The following PAQR9 variants were observed in gnomAD, a reference collection of about 807,000 sequenced individuals.
PAQR9 encodes membrane progestin receptor epsilon.
Under a neutral mutation model 24.0 loss-of-function variants are expected in PAQR9, and 12 were observed. That is an observed-to-expected ratio of 0.50 (90% CI 0.32 to 0.81). The LOEUF (loss-of-function observed/expected upper bound fraction) is 0.81. Ranked by LOEUF, PAQR9 falls within the 30% of genes least tolerant of loss-of-function variation. The probability of loss-of-function intolerance (pLI) is 0.03; values close to 1 mark genes in which losing one functional copy is unlikely to be tolerated. For missense variants in PAQR9, 418 were observed against 520.8 expected (o/e 0.80, Z 1.92); for synonymous variants, 266 against 237.6 (o/e 1.12, Z -1.10).
At chr3:142,950,016 G>A (rs1317515827), downstream of PAQR9, 1 of 152,214 alleles carries the variant, frequency 6.6e-6, no homozygotes, top group Non-Finnish European at 1.5e-5. Context: ...CATTCTTCAT[G>A]TCACAATGTT....
At chr3:142,953,438 A>G (rs1294271354), downstream of PAQR9, among the ~76,000 whole-genome samples, 1 of 152,182 alleles carries the variant, frequency 6.6e-6, no homozygotes, top group Non-Finnish European at 1.5e-5. Context: ...AGTGTGTGCT[A>G]GCCAGCTAGG....
At chr3:142,949,592 G>A (rs992626976), downstream of PAQR9, 3 of 152,280 alleles carry the variant, frequency 2.0e-5, no homozygotes, top group South Asian at 2.1e-4. Flanking sequence ...TTTATAAATT[G>A]CAAAGTTAAT....
Position 142,959,848 on chromosome 3 carries a change from C to T in PAQR9, c.*2355G>A, listed in dbSNP as rs1294538868. On this transcript the variant is annotated 3_prime_UTR_variant, in exon 1 of 1. Transcript: ENST00000340634. ...GAAAGTTCCTTCTGAAATTGAGGTC[C>T]CATTTTACAAAGAAACTACATAATA... Among the ~76,000 whole-genome samples, 1 of 152,182 alleles carries T rather than the reference C, an allele frequency of 6.6e-6. No individual in the cohort carries two copies. The highest frequency in any genetic ancestry group is 1.5e-5 in the Non-Finnish European group (1 of 68,028).
At chr3:142,953,004 G>C (rs1156734205), downstream of PAQR9, among the ~76,000 whole-genome samples, 2 of 152,192 alleles carry the variant, frequency 1.3e-5, no homozygotes, top group Non-Finnish European at 2.9e-5. Context: ...AGCCCTCTTA[G>C]GAGTGGCCCT....
downstream of PAQR9, among the ~76,000 whole-genome samples, chr3:142,952,270 G>T (rs566586710): frequency 6.6e-6 from 1 of 152,252 alleles, no homozygotes; most frequent in South Asian, 2.1e-4. Context: ...GGTGGGAGTG[G>T]TAGGGTCAGA....
chr3:142,962,404 G>T lies in PAQR9; in HGVS notation c.933C>A (p.His311Gln). 2.5e-6 allele frequency: 4 copies of T among 1,614,178 alleles called. No individual in the cohort carries two copies. Among genetic ancestry groups the T allele is most frequent in the Non-Finnish European group, 3.4e-6 (4 of 1,180,034 alleles). Residue 311 changes from histidine to glutamine, a missense_variant, in exon 1 of 1, where the codon CAC (histidine) becomes CAA (glutamine). His to Gln is a conservative substitution (Grantham distance 24, BLOSUM62 0). Coordinates refer to ENST00000340634, the MANE Select transcript of PAQR9 (RefSeq NM_198504.4). The part of the protein sequence containing the change: ...PGLFDIIGHS[H>Q]QLFHIFTFLS... ...GGAAGGTGAAGATGTGGAAGAGCTGGTGGCTGTGGCCGATAATGTCGAAAA... is the reference window on the plus strand; with the variant it reads ...GGAAGGTGAAGATGTGGAAGAGCTGTTGGCTGTGGCCGATAATGTCGAAAA...
Position 142,954,615 on chromosome 3 carries a change from T to C in PAQR9, c.*7588A>G, listed in dbSNP as rs746379751. On this transcript the variant is annotated 3_prime_UTR_variant, in exon 1 of 1. Coordinates refer to ENST00000340634, the MANE Select transcript of PAQR9 (RefSeq NM_198504.4). Reference sequence around the variant, plus strand: ...TTACAAATAATTTATTCTTATTTCATACATTTGTTTTTCAGCAAAAATGCA... The same window carrying C: ...TTACAAATAATTTATTCTTATTTCACACATTTGTTTTTCAGCAAAAATGCA... Among the ~76,000 whole-genome samples, 9 of 152,252 alleles carry C rather than the reference T, an allele frequency of 5.9e-5. No homozygotes were observed. The highest frequency in any genetic ancestry group is 1.3e-4 in the Admixed American group (2 of 15,290).
Position 142,962,628 on chromosome 3 carries a change from T to C in PAQR9, c.709A>G (p.Thr237Ala). The C allele has an allele frequency of 6.2e-7, 1 of 1,612,372 alleles. No individual in the cohort carries two copies. Among genetic ancestry groups the C allele is most frequent in the African/African-American group, 1.3e-5 (1 of 75,026 alleles). The change falls in exon 1 of 1, where the codon ACC becomes GCC. Residue 237 changes from threonine (T) to alanine (A), a missense_variant. Thr to Ala is a moderately conservative substitution (Grantham distance 58). Coordinates refer to ENST00000340634, the MANE Select transcript of PAQR9 (RefSeq NM_198504.4). ...ACCKSRTDWCTYPFALRTFVF... is the reference protein window; with the variant it reads ...ACCKSRTDWCAYPFALRTFVF... ...AAGGTGCGCAGCGCGAACGGGTAGG[T>C]ACACCAGTCGGTACGGCTCTTGCAG...
In PAQR9 at chr3:142,956,318, T is replaced by C. The variant is rs1471029389; in HGVS notation, c.*5885A>G. Reference sequence around the variant, plus strand: ...CAAATGACCACCTGAAGACCCCCCATTCTGCCTTGAGTGCTTATTGCGTAT... The same window carrying C: ...CAAATGACCACCTGAAGACCCCCCACTCTGCCTTGAGTGCTTATTGCGTAT... On this transcript the variant is annotated 3_prime_UTR_variant, in exon 1 of 1. Coordinates refer to ENST00000340634, the MANE Select transcript of PAQR9 (RefSeq NM_198504.4). Among the ~76,000 whole-genome samples the C allele has an allele frequency of 6.6e-6, 1 of 152,170 alleles. No individual in the cohort carries two copies. The highest frequency in any genetic ancestry group is 2.4e-5 in the African/African-American group (1 of 41,452).
rs141231780 is a variant in PAQR9, at chr3:142,962,944, C to G, written c.393G>C (p.Leu131=). ...PLWCYASGVL[L]TFAMSCTAHV... is the part of the protein sequence containing the mutation. ...GCGCCGTGCAGCTCATGGCGAAGGT[C>G]AGCAGCACTCCCGACGCGTAGCACC... Residue 131 remains leucine (L), a synonymous_variant, in exon 1 of 1, where the codon CTG becomes CTC. Transcript: ENST00000340634. The G allele has an allele frequency of 1.8e-4, 293 of 1,613,932 alleles. No individual in the cohort carries two copies. Among genetic ancestry groups the G allele is most frequent in the Non-Finnish European group, 4.8e-5 (57 of 1,180,022 alleles).
downstream of PAQR9, among the ~76,000 whole-genome samples, chr3:142,953,246 G>C (rs2108238314): frequency 6.6e-6 from 1 of 152,208 alleles, no homozygotes; most frequent in African/African-American, 2.4e-5. Context: ...GTCTTATTTA[G>C]TCACATCCTG....
rs1427821656 is a variant in PAQR9, at chr3:142,956,719, T to TAA, written c.*5483_*5484insTT. Among the ~76,000 whole-genome samples the TAA allele has an allele frequency of 2.6e-5, 4 of 152,192 alleles. No homozygotes were observed. Among genetic ancestry groups the TAA allele is most frequent in the Non-Finnish European group, 5.9e-5 (4 of 68,038 alleles). The stretch of plus-strand genomic sequence containing the variant: ...TCTAATTCTGCAACTTGCTCACAGA[T>TAA]TCTTAAGGAGCCACTCTAGAACAAA... On this transcript the variant is annotated 3_prime_UTR_variant, in exon 1 of 1. Coordinates refer to ENST00000340634, the MANE Select transcript of PAQR9 (RefSeq NM_198504.4).
chr3:142,963,275 G>GC lies in PAQR9; in HGVS notation c.61dup (p.Ala21GlyfsTer356). Reference sequence around the variant, plus strand: ...GGAGTTCCGGGCGGCCCCCGAAGCTGCCGGGGCCGGGGCCGGAGGGCCTTT... The same window carrying GC: ...GGAGTTCCGGGCGGCCCCCGAAGCTGCCCGGGGCCGGGGCCGGAGGGCCTTT... On this transcript the variant is annotated frameshift_variant, in exon 1 of 1. Transcript: ENST00000340634. LOFTEE classifies it high-confidence loss of function. The GC allele has an allele frequency of 6.7e-7, 1 of 1,483,696 alleles. No homozygotes were observed. Among genetic ancestry groups the GC allele is most frequent in the Non-Finnish European group, 8.9e-7 (1 of 1,120,476 alleles). 91.9% of individuals were successfully genotyped at this position (1,483,696 alleles called of 1,614,324 possible). A position where few individuals can be genotyped will look rare whatever the true frequency, so the allele number is the denominator to read the frequency against.
At chr3:142,950,371 TA>T (rs148258502), downstream of PAQR9, 1,522 of 194,558 alleles carry the variant, frequency 7.8e-3, 25 homozygotes, top group African/African-American at 0.033. Context: ...GTCTACCTGT[TA>T]TGTCTCTCCA....
Position 142,962,365 on chromosome 3 carries a change from G to C in PAQR9, c.972C>G (p.Asp324Glu). The change falls in exon 1 of 1, where the codon GAC becomes GAG. Residue 324 changes from aspartate (D) to glutamate (E), a missense_variant. Asp to Glu is a conservative substitution (Grantham distance 45, BLOSUM62 2). Transcript: ENST00000340634. ...FHIFTFLSIYDQVYYVEEGLR... is the reference protein window; with the variant it reads ...FHIFTFLSIYEQVYYVEEGLR... ...GGCCCTCTTCTACGTAGTACACCTG[G>C]TCGTAGATGCTGAGGAAGGTGAAGA... 1 of 1,614,162 alleles carries C rather than the reference G, an allele frequency of 6.2e-7. No homozygotes were observed. Among genetic ancestry groups the C allele is most frequent in the Non-Finnish European group, 8.5e-7 (1 of 1,180,046 alleles).
downstream of PAQR9, among the ~76,000 whole-genome samples, chr3:142,954,387 T>C (rs185004230): frequency 1.3e-5 from 2 of 152,366 alleles, no homozygotes; most frequent in Admixed American, 1.3e-4. Flanking sequence ...TTATCTAATA[T>C]GATAAAAAAG....
At chr3:142,952,135 T>A (rs1934724944), downstream of PAQR9, among the ~76,000 whole-genome samples, 1 of 152,152 alleles carries the variant, frequency 6.6e-6, no homozygotes, top group African/African-American at 2.4e-5. Flanking sequence ...AGTACATTTT[T>A]AAATTCTTGT....
At chr3:142,949,555 C>T (rs924540205) in exon 3 of PAQR9, 2 of 152,196 alleles carry the variant, frequency 1.3e-5, no homozygotes, top group African/African-American at 4.8e-5. Context: ...TGTGAAACCT[C>T]TTATTAATCC....
downstream of PAQR9, among the ~76,000 whole-genome samples, chr3:142,952,453 G>A (rs1308163749): frequency 6.6e-6 from 1 of 152,192 alleles, no homozygotes. Context: ...GGTGGGATGG[G>A]AGCTGTGCAA....
Sources: gnomAD v4.1 joint callset for allele counts (sites outside exome capture counted in the v4.1 genomes callset) on GRCh38, gnomAD v4.1.1 for gene constraint, MANE v1.5 for transcripts, NCBI Gene and HGNC (gene_info 2026-07-23, HGNC 2026-07-21) for gene names.